Variants in HDAC9 observed in about 807,000 individuals in gnomAD.
HDAC9 encodes the protein MEF-2 interacting transcription repressor (MITR) protein.
HDAC9 carries 41 observed loss-of-function variants against 139.4 expected under a neutral mutation model. The ratio of observed to expected loss-of-function variants is 0.29; its 90% CI spans 0.23 to 0.38. HDAC9 has a LOEUF of 0.38. Among genes scored for constraint, HDAC9 ranks in the 10% least tolerant of loss-of-function variants. HDAC9 has a pLI of 1.00. For synonymous variants in HDAC9, 517 were observed against 476.2 expected (o/e 1.09, Z -1.12); for missense variants, 1,147 against 1,297.0 (o/e 0.88, Z 1.78).
intron 14 of HDAC9, among the ~76,000 whole-genome samples, chr7:18,753,075 GGC>G (rs1418270380): frequency 6.6e-5 from 10 of 152,020 alleles, no homozygotes; most frequent in African/African-American, 2.4e-4. Flanking sequence ...GAGTTTTCCA[GGC>G]ATCTTTGTTA....
At chr7:18,179,327 T>C (rs1430367494) in intron 2 of HDAC9, among the ~76,000 whole-genome samples, 5 of 152,314 alleles carry the variant, frequency 3.3e-5, no homozygotes, top group South Asian at 2.1e-4. Context: ...TCTGAATCCA[T>C]AGGGACTTGC....
At chr7:18,459,131 T>C (rs1793612615) in intron 1 of HDAC9, among the ~76,000 whole-genome samples, 1 of 152,114 alleles carries the variant, frequency 6.6e-6, no homozygotes, top group African/African-American at 2.4e-5. Flanking sequence ...AAAACTCAGA[T>C]CGATTAGACA....
At chr7:18,839,748 G>T (rs1796469184) in intron 21 of HDAC9, among the ~76,000 whole-genome samples, 1 of 152,000 alleles carries the variant, frequency 6.6e-6, no homozygotes, top group Non-Finnish European at 1.5e-5. Context: ...CTGAATGCCT[G>T]CTAAGGAATC....
At chr7:18,319,597 C>T (rs756962698) in intron 1 of HDAC9, among the ~76,000 whole-genome samples, 31 of 152,146 alleles carry the variant, frequency 2.0e-4, no homozygotes, top group Admixed American at 4.6e-4. Context: ...GCTAAATTTA[C>T]TTTCTTTTTT....
intron 7 of HDAC9, among the ~76,000 whole-genome samples, chr7:18,630,265 G>A (rs182863586): frequency 7.9e-4 from 120 of 152,148 alleles, no homozygotes; most frequent in African/African-American, 2.8e-3. Flanking sequence ...TTGGTTGCAT[G>A]AAGAAAGAAG....
intron 1 of HDAC9, among the ~76,000 whole-genome samples, chr7:18,090,860 AAAAAG>A (rs1396601667): frequency 6.6e-6 from 1 of 152,218 alleles, no homozygotes; most frequent in Non-Finnish European, 1.5e-5. Flanking sequence ...TTTTTTTAAA[AAAAAG>A]AAAAGGACAG....
intron 1 of HDAC9, among the ~76,000 whole-genome samples, chr7:18,355,759 A>G (rs1219566150): frequency 6.6e-6 from 1 of 152,208 alleles, no homozygotes; most frequent in Non-Finnish European, 1.5e-5. Context: ...GACACTGATC[A>G]AGGCAGGACA....
At chr7:18,226,387 A>G (rs1373661603) in intron 2 of HDAC9, among the ~76,000 whole-genome samples, 1 of 152,076 alleles carries the variant, frequency 6.6e-6, no homozygotes, top group Non-Finnish European at 1.5e-5. Context: ...GGTTGAGCAC[A>G]TGCTCCCTGT....
chr7:18,758,145 T>C (rs1203197614), intron 14 of HDAC9, among the ~76,000 whole-genome samples: 1 of 152,146 alleles, frequency 6.6e-6, no homozygotes, highest in Non-Finnish European at 1.5e-5. Context: ...GAGGTTTCAT[T>C]CCTAGGCCTG....
chr7:18,684,462 TCACAAA>T (rs1782116552), intron 12 of HDAC9, among the ~76,000 whole-genome samples: 2 of 134,544 alleles, frequency 1.5e-5, no homozygotes, highest in East Asian at 2.4e-4. Context: ...GTGCAACAAC[TCACAAA>T]CAAACAAACA....
intron 1 of HDAC9, among the ~76,000 whole-genome samples, chr7:18,465,676 G>A (rs926726179): frequency 4.6e-5 from 7 of 151,986 alleles, no homozygotes; most frequent in Non-Finnish European, 1.0e-4. Context: ...TTCATTCCTT[G>A]ATTTTTTTTG....
At chr7:18,613,122 TATA>T (rs1837627848) in intron 6 of HDAC9, among the ~76,000 whole-genome samples, 1 of 148,296 alleles carries the variant, frequency 6.7e-6, no homozygotes, top group Non-Finnish European at 1.5e-5. Flanking sequence ...ATAAGTATAA[TATA>T]ATAGATATAT....
rs151239862 is a variant in HDAC9 at position 18,751,925 on chromosome 7, A to G, written c.2043+2787A>G. On this transcript the variant is annotated intron_variant, in intron 14 of 25. Transcript: ENST00000686413. The stretch of plus-strand genomic sequence containing the variant: ...GGTTAGCCCCCTCAGAAATAGTAGA[A>G]TACTACCTAGTGCTCTCCCAAGTCC... Among the ~76,000 whole-genome samples the G allele has an allele frequency of 2.4e-3, 361 of 152,236 alleles. 2 individuals are homozygous for G. The highest frequency in any genetic ancestry group is 8.4e-3 in the African/African-American group (349 of 41,558).
intron 2 of HDAC9, among the ~76,000 whole-genome samples, chr7:18,278,615 C>G (rs1049685964): frequency 6.6e-6 from 1 of 151,970 alleles, no homozygotes; most frequent in African/African-American, 2.4e-5. Flanking sequence ...TTTAGACATG[C>G]CTTTTATGTA....
chr7:18,785,479 T>G (rs1476125096), intron 16 of HDAC9, among the ~76,000 whole-genome samples: 3 of 152,064 alleles, frequency 2.0e-5, no homozygotes, highest in Non-Finnish European at 4.4e-5. Context: ...ATCACTGTCA[T>G]TGAGATCCAC....
intron 1 of HDAC9, among the ~76,000 whole-genome samples, chr7:18,435,059 C>CAAAAAAAAAAAAAAAAAAAAAA (rs376786180): frequency 8.8e-5 from 6 of 67,798 alleles, no homozygotes; most frequent in Admixed American, 2.1e-4. Context: ...ACTACACAGC[C>CAAAAAAAAAAAAAAAAAAAAAA]AAAAAAAAAA....
intron 6 of HDAC9, among the ~76,000 whole-genome samples, chr7:18,603,420 A>G (rs139522286): frequency 1.0e-3 from 153 of 152,170 alleles, no homozygotes; most frequent in African/African-American, 3.6e-3. Context: ...TATATAATTC[A>G]GTGCTCTCTA....
chr7:18,205,077 TATA>T (rs1791400714), intron 2 of HDAC9, among the ~76,000 whole-genome samples: 1 of 151,996 alleles, frequency 6.6e-6, no homozygotes, highest in African/African-American at 2.4e-5. Context: ...ACATTAGTAT[TATA>T]ATGATAGTAT....
chr7:18,286,422 A>G (rs1298344602), upstream of HDAC9, among the ~76,000 whole-genome samples: 1 of 149,004 alleles, frequency 6.7e-6, no homozygotes, highest in African/African-American at 2.4e-5. Context: ...AATATGTAAA[A>G]TAATAATTAT....
Sources: allele counts gnomAD v4.1 joint callset (sites outside exome capture counted in the v4.1 genomes callset), GRCh38; gene constraint gnomAD v4.1.1; transcripts MANE v1.5; gene names NCBI Gene and HGNC (gene_info 2026-07-23, HGNC 2026-07-21).